Variants in PTPRG observed in about 807,000 individuals in gnomAD.
PTPRG encodes protein tyrosine phosphatase receptor type G.
PTPRG carries 102 observed loss-of-function variants against 165.3 expected under a neutral mutation model. That is an observed-to-expected ratio of 0.62 (90% CI 0.53 to 0.73). The LOEUF (loss-of-function observed/expected upper bound fraction) is 0.73. Among genes scored for constraint, PTPRG ranks in the 30% least tolerant of loss-of-function variants. The pLI, the probability that PTPRG is intolerant of heterozygous loss-of-function variation, is 0.00. For missense variants in PTPRG, 1,866 were observed against 1,861.4 expected, an observed-to-expected ratio of 1.00 and a Z score of -0.05; for synonymous variants, 675 against 669.5, an observed-to-expected ratio of 1.01 and a Z score of -0.13.
intron 1 of PTPRG, among the ~76,000 whole-genome samples, chr3:61,697,023 A>G (rs948266339): frequency 2.0e-5 from 3 of 152,230 alleles, no homozygotes; most frequent in Non-Finnish European, 4.4e-5. Context: ...ATACTACTCC[A>G]AAATATGGCA....
chr3:61,725,307 G>T (rs2032211137), intron 1 of PTPRG, among the ~76,000 whole-genome samples: 1 of 152,046 alleles, frequency 6.6e-6, no homozygotes, highest in East Asian at 1.9e-4. Context: ...AGTAGAGACA[G>T]GATTTTCACC....
chr3:61,817,777 A>G lies in PTPRG; in HGVS notation c.190+68795A>G, dbSNP rs149556186. On this transcript the variant is annotated intron_variant, in intron 2 of 29. Transcript: ENST00000474889. ...CATTGAAGAGTAGGCATGCTTCCAT[A>G]GCATACCTAGTTCCTGGATGAGTGC... Among the ~76,000 whole-genome samples, 1,067 of 152,302 alleles carry G rather than the reference A, an allele frequency of 7.0e-3. 4 individuals are homozygous for G. The highest frequency in any genetic ancestry group is 0.011 in the Admixed American group (170 of 15,294).
At chr3:62,048,146 G>A (rs1557913) in intron 4 of PTPRG, among the ~76,000 whole-genome samples, 55,904 of 151,722 alleles carry the variant, frequency 0.37, 10,501 homozygotes, top group Middle Eastern at 0.42. Context: ...TTATGGAGAA[G>A]AGAGGATGAA....
At position 62,016,675 on chromosome 3, in the gene PTPRG, C is replaced by T. The variant is rs183421672; in HGVS notation, c.519+13178C>T. Among the ~76,000 whole-genome samples the T allele has an allele frequency of 2.9e-3, 443 of 152,310 alleles. 3 individuals carry two copies. The highest frequency in any genetic ancestry group is 0.01 in the African/African-American group (427 of 41,560). On this transcript the variant is annotated intron_variant, in intron 4 of 29. Transcript: ENST00000474889. Reference sequence around the variant, plus strand: ...CCAGTAACCAAAGCTTTCTTTTAAACACTTGGATTGCATTACATTTTTCCC... The same window carrying T: ...CCAGTAACCAAAGCTTTCTTTTAAATACTTGGATTGCATTACATTTTTCCC...
chr3:61,677,415 C>G (rs1703272270), intron 1 of PTPRG, among the ~76,000 whole-genome samples: 2 of 152,198 alleles, frequency 1.3e-5, no homozygotes, highest in African/African-American at 2.4e-5. Context: ...GAGGCCTAGA[C>G]AGTGAGAGAA....
intron 2 of PTPRG, among the ~76,000 whole-genome samples, chr3:61,887,449 T>C (rs979952009): frequency 2.6e-5 from 4 of 152,104 alleles, no homozygotes; most frequent in African/African-American, 9.7e-5. Context: ...TTTACAAACA[T>C]GTCCCCAGTC....
At chr3:61,574,616 T>G (rs1173336882) in intron 1 of PTPRG, among the ~76,000 whole-genome samples, 1 of 152,218 alleles carries the variant, frequency 6.6e-6, no homozygotes, top group Non-Finnish European at 1.5e-5. Context: ...TTATTTCATG[T>G]GATAGAGGTT....
intron 1 of PTPRG, among the ~76,000 whole-genome samples, chr3:61,611,971 C>G (rs979117536): frequency 6.6e-6 from 1 of 152,190 alleles, no homozygotes; most frequent in Non-Finnish European, 1.5e-5. Context: ...GAGATGGAGT[C>G]CTGCTCCATT....
chr3:62,105,407 A>T (rs1270292991), intron 5 of PTPRG, among the ~76,000 whole-genome samples: 1 of 152,222 alleles, frequency 6.6e-6, no homozygotes, highest in African/African-American at 2.4e-5. Flanking sequence ...GGTATTAATT[A>T]TGTTGCTCCA....
In PTPRG at chr3:62,239,997, C is replaced by G. The variant is rs543425021; in HGVS notation, c.2376-3810C>G. Among the ~76,000 whole-genome samples the G allele has an allele frequency of 3.2e-3, 481 of 152,286 alleles. 3 individuals carry two copies. Among genetic ancestry groups the G allele is most frequent in the African/African-American group, 0.011 (463 of 41,558 alleles). ...AGGATCATGAAAAGCTGACAATAGA[C>G]TGACCACCTTCATCAGTCCCTGGCC... On this transcript the variant is annotated intron_variant, in intron 14 of 29. Coordinates refer to ENST00000474889, the MANE Select transcript of PTPRG (RefSeq NM_002841.4).
chr3:62,016,455 C>T (rs903577835), intron 4 of PTPRG, among the ~76,000 whole-genome samples: 35 of 152,132 alleles, frequency 2.3e-4, no homozygotes, highest in African/African-American at 7.0e-4. Context: ...TGTGAGCCAC[C>T]GCGCCCGGCC....
intron 2 of PTPRG, among the ~76,000 whole-genome samples, chr3:61,917,820 C>T (rs1335260388): frequency 1.3e-5 from 2 of 152,130 alleles, no homozygotes; most frequent in African/African-American, 4.8e-5. Context: ...GTAATCCTAG[C>T]TACCAGGAGG....
At chr3:62,133,055 G>T (rs1703574694) in intron 6 of PTPRG, among the ~76,000 whole-genome samples, 1 of 152,180 alleles carries the variant, frequency 6.6e-6, no homozygotes, top group Admixed American at 6.5e-5. Context: ...ATTTTAAGTA[G>T]CCAGACAAGT....
chr3:62,162,544 C>T (rs1402143979), intron 7 of PTPRG, among the ~76,000 whole-genome samples: 2 of 152,154 alleles, frequency 1.3e-5, no homozygotes, highest in Non-Finnish European at 2.9e-5. Context: ...GGGAGGTGGA[C>T]GGGATTTTCT....
intron 4 of PTPRG, among the ~76,000 whole-genome samples, chr3:62,063,967 G>A (rs995718544): frequency 9.2e-5 from 14 of 152,140 alleles, no homozygotes; most frequent in African/African-American, 3.4e-4. Flanking sequence ...TGTTGCTAGG[G>A]GCTGATGGAT....
At chr3:61,837,733 T>G (rs1276401000) in intron 2 of PTPRG, among the ~76,000 whole-genome samples, 2 of 152,186 alleles carry the variant, frequency 1.3e-5, no homozygotes, top group African/African-American at 4.8e-5. Flanking sequence ...AGTGAAGACA[T>G]TGAAACCAGA....
In PTPRG at chr3:62,224,174, C is replaced by T. The variant is rs530030543; in HGVS notation, c.2288+5191C>T. Reference sequence around the variant, plus strand: ...TTAAAGACATGACCCCACTCCCACCCGCAACCCCAGGAAACAACTCTGAAG... The same window carrying T: ...TTAAAGACATGACCCCACTCCCACCTGCAACCCCAGGAAACAACTCTGAAG... On this transcript the variant is annotated intron_variant, in intron 13 of 29. Transcript: ENST00000474889. This position sits in a 1 kb window ranked among gnomAD's most constrained non-coding sequence, Gnocchi z 4.9. Among the ~76,000 whole-genome samples, 7 of 152,260 alleles carry T rather than the reference C, an allele frequency of 4.6e-5. No individual in the cohort carries two copies. Among genetic ancestry groups the T allele is most frequent in the Admixed American group, 1.3e-4 (2 of 15,302 alleles).
At chr3:61,800,695 G>A (rs2107168623) in intron 2 of PTPRG, among the ~76,000 whole-genome samples, 1 of 151,752 alleles carries the variant, frequency 6.6e-6, no homozygotes, top group Non-Finnish European at 1.5e-5. Context: ...CCAGGCTGGA[G>A]TGCAGTGGCA....
chr3:61,580,375 A>G (rs1700260645), intron 1 of PTPRG, among the ~76,000 whole-genome samples: 1 of 148,286 alleles, frequency 6.7e-6, no homozygotes, highest in African/African-American at 2.5e-5. Flanking sequence ...GGTCAACTCT[A>G]TTCTGATTTT....
Sources: allele counts gnomAD v4.1 joint callset (sites outside exome capture counted in the v4.1 genomes callset), GRCh38; gene constraint gnomAD v4.1.1; non-coding constraint Gnocchi (gnomAD v3.1); transcripts MANE v1.5; gene names NCBI Gene and HGNC (gene_info 2026-07-23, HGNC 2026-07-21).